Variants in YTHDC2 observed in about 807,000 individuals in gnomAD.
YTHDC2 encodes YTH N6-methyladenosine RNA binding protein C2.
A neutral mutation model predicts 174.9 loss-of-function variants in YTHDC2; 45 were observed. The observed-to-expected ratio is 0.26, with a 90% CI of 0.20 to 0.33. The LOEUF (loss-of-function observed/expected upper bound fraction) is 0.33, where lower values mean the gene tolerates loss of function less well. Among genes scored for constraint, YTHDC2 ranks in the 10% least tolerant of loss-of-function variants. YTHDC2 has a pLI of 1.00. For synonymous variants in YTHDC2, 657 were observed against 574.5 expected, an observed-to-expected ratio of 1.14 and a Z score of -2.05; for missense variants, 1,650 against 1,723.7, an observed-to-expected ratio of 0.96 and a Z score of 0.76.
intron 23 of YTHDC2, among the ~76,000 whole-genome samples, chr5:113,579,362 T>C (rs1031726260): frequency 2.6e-5 from 4 of 152,156 alleles, no homozygotes; most frequent in Admixed American, 6.6e-5. Context: ...TTTTTTATTT[T>C]GTTGCATTGT....
intron 26 of YTHDC2, among the ~76,000 whole-genome samples, chr5:113,590,632 A>C (rs1778956784): frequency 6.6e-6 from 1 of 151,778 alleles, no homozygotes; most frequent in Non-Finnish European, 1.5e-5. Context: ...CGGTCTCTGA[A>C]CTCCAGTGTC....
intron 10 of YTHDC2, among the ~76,000 whole-genome samples, chr5:113,544,560 AACTTTTT>A (rs1775720516): frequency 6.6e-6 from 1 of 152,168 alleles, no homozygotes; most frequent in Non-Finnish European, 1.5e-5. Context: ...TTTAGTAGTT[AACTTTTT>A]AGTATGTTGA....
chr5:113,591,308 T>G (rs544819924), intron 27 of YTHDC2, 64 bp downstream of exon 27: 1 of 1,537,428 alleles, frequency 6.5e-7, no homozygotes, highest in South Asian at 1.2e-5. Flanking sequence ...TAGAGATTTT[T>G]AGAAAAACAA....
chr5:113,543,432 A>C (rs1324458342), intron 10 of YTHDC2, among the ~76,000 whole-genome samples: 1 of 152,148 alleles, frequency 6.6e-6, no homozygotes, highest in East Asian at 1.9e-4. Context: ...TAAATCCTGA[A>C]TATGACCACT....
Position 113,539,035 on chromosome 5 carries a change from A to G in YTHDC2, c.1103-39A>G, listed in dbSNP as rs775186593. 6 of 1,021,130 alleles carry G rather than the reference A, an allele frequency of 5.9e-6. No homozygotes were observed. In the East Asian group the frequency reaches 1.8e-4, roughly 31 times the overall value. The allele number at this position is 1,021,130 out of a possible 1,614,324, so 63.3% of individuals were successfully genotyped here. On this transcript the variant is annotated intron_variant, in intron 7 of 29. Coordinates refer to ENST00000161863, the MANE Select transcript of YTHDC2 (RefSeq NM_022828.5). ...CATGTTTTTATGTGAATTTTCTCCA[A>G]GATGCAAGTTGAGTATTTAATTTTT...
chr5:113,567,007 C>T, intron 21 of YTHDC2, 85 bp from the exon 22 acceptor site: 2 of 1,391,268 alleles, frequency 1.4e-6, no homozygotes, highest in Non-Finnish European at 1.9e-6. Flanking sequence ...ACAAAATTTA[C>T]ATGAGTTGTA....
intron 4 of YTHDC2, among the ~76,000 whole-genome samples, chr5:113,529,397 G>A (rs1774499497): frequency 6.6e-6 from 1 of 152,112 alleles, no homozygotes. Context: ...AAATTTCCTA[G>A]AAGTGGAAAT....
At chr5:113,520,178 G>T (rs1440529945) in intron 2 of YTHDC2, among the ~76,000 whole-genome samples, 5 of 152,120 alleles carry the variant, frequency 3.3e-5, no homozygotes, top group Non-Finnish European at 5.9e-5. Flanking sequence ...GTGTTAGTTT[G>T]CTGAGGATGA....
rs781332704 is a variant in YTHDC2, at chr5:113,584,441, A to C, written c.3787A>C (p.Ser1263Arg). Residue 1263 changes from serine (S) to arginine (R), a missense_variant, in exon 26 of 30, where the codon AGT becomes CGT. Ser to Arg is a moderately radical substitution (Grantham distance 110). Transcript: ENST00000161863. ...LKSTDSSSYP[S>R]PCASPSPPSS... is the part of the protein sequence containing the mutation. Reference sequence around the variant, plus strand: ...ATCTACAGACAGCAGTAGTTACCCAAGTCCTTGTGCTAGTCCTTCTCCTCC... The same window carrying C: ...ATCTACAGACAGCAGTAGTTACCCACGTCCTTGTGCTAGTCCTTCTCCTCC... 1.2e-6 allele frequency: 2 copies of C among 1,613,612 alleles called. No homozygotes were observed. The highest frequency in any genetic ancestry group is 1.7e-6 in the Non-Finnish European group (2 of 1,179,734).
chr5:113,515,040 G>T (rs1306855504), intron 1 of YTHDC2, among the ~76,000 whole-genome samples: 1 of 151,958 alleles, frequency 6.6e-6, no homozygotes, highest in Non-Finnish European at 1.5e-5. Context: ...ATACATAGCT[G>T]TCTTTTTATT....
At chr5:113,585,896 T>G (rs1380424115) in intron 26 of YTHDC2, among the ~76,000 whole-genome samples, 1 of 151,992 alleles carries the variant, frequency 6.6e-6, no homozygotes, top group Non-Finnish European at 1.5e-5. Flanking sequence ...CATCAGTTGA[T>G]GGACATTTGG....
At chr5:113,547,609 A>G (rs924004684) in intron 10 of YTHDC2, among the ~76,000 whole-genome samples, 3 of 130,150 alleles carry the variant, frequency 2.3e-5, no homozygotes, top group African/African-American at 7.5e-5. Flanking sequence ...CATATGGGAT[A>G]TACTTTTTAT....
chr5:113,535,046 A>G (rs778356021), intron 6 of YTHDC2, among the ~76,000 whole-genome samples: 8 of 152,254 alleles, frequency 5.3e-5, no homozygotes, highest in Non-Finnish European at 8.8e-5. Context: ...TATTAAAAGC[A>G]CATTAAATTG....
rs1000497933 is a variant in YTHDC2, at chr5:113,534,482, G to A, written c.945+75G>A. 215 of 1,346,384 alleles carry A rather than the reference G, an allele frequency of 1.6e-4. 1 individual carries two copies. The highest frequency in any genetic ancestry group is 3.6e-5 in the Admixed American group (2 of 55,590). The allele number at this position is 1,346,384 out of a possible 1,614,324, so 83.4% of individuals were successfully genotyped here. ...TAAATACATATGCCGTTTCAGGATA[G>A]TCTCAAAAAATTTAAATACATAATT... is the stretch of plus-strand genomic sequence containing the variant. On this transcript the variant is annotated intron_variant, in intron 6 of 29. Coordinates refer to ENST00000161863, the MANE Select transcript of YTHDC2 (RefSeq NM_022828.5).
chr5:113,570,989 T>A (rs115663954), intron 23 of YTHDC2, among the ~76,000 whole-genome samples: 5,214 of 152,250 alleles, frequency 0.034, 287 homozygotes, highest in African/African-American at 0.12. Flanking sequence ...CTGGCCTGAT[T>A]TCCTTGGCCT....
Position 113,548,615 on chromosome 5 carries a change from G to A in YTHDC2, c.1570G>A (p.Glu524Lys). ...AAGRGFASQVEQLISMGANVH... is the reference protein window; with the variant it reads ...AAGRGFASQVKQLISMGANVH... ...AGGACGTGGCTTTGCAAGTCAAGTAGAACAGTTAATCAGTATGGGAGCCAA... is the reference window on the plus strand; with the variant it reads ...AGGACGTGGCTTTGCAAGTCAAGTAAAACAGTTAATCAGTATGGGAGCCAA... The change falls in exon 11 of 30, where the codon GAA becomes AAA. Residue 524 changes from glutamate to lysine, a missense_variant. This residue lies in a region of YTHDC2 where 411 missense variants were observed against 380.6 expected (regional missense o/e 1.08). Transcript: ENST00000161863. 6.2e-7 allele frequency: 1 copy of A among 1,613,520 alleles called. No homozygotes were observed. Among genetic ancestry groups the A allele is most frequent in the Non-Finnish European group, 8.5e-7 (1 of 1,179,714 alleles).
intron 8 of YTHDC2, 55 bp from the exon 9 acceptor site, chr5:113,540,913 C>T (rs937995371): frequency 6.5e-7 from 1 of 1,528,966 alleles, no homozygotes; most frequent in Non-Finnish European, 8.9e-7. Flanking sequence ...CAAAGGAATA[C>T]ATTTCAAAAA....
At chr5:113,530,469 C>T (rs914066099) in intron 4 of YTHDC2, among the ~76,000 whole-genome samples, 1 of 152,042 alleles carries the variant, frequency 6.6e-6, no homozygotes, top group Non-Finnish European at 1.5e-5. Flanking sequence ...AGTATACATT[C>T]ACAACTAAAC....
At chr5:113,540,173 C>G (rs1303125872) in intron 8 of YTHDC2, among the ~76,000 whole-genome samples, 1 of 152,206 alleles carries the variant, frequency 6.6e-6, no homozygotes, top group Non-Finnish European at 1.5e-5. Flanking sequence ...GCATGAGCCA[C>G]CATGTCCAGC....
Sources: gnomAD v4.1 joint callset for allele counts (sites outside exome capture counted in the v4.1 genomes callset) on GRCh38, gnomAD v4.1.1 for gene constraint, gnomAD v4.1.1 regional missense constraint, MANE v1.5 for transcripts, NCBI Gene and HGNC (gene_info 2026-07-23, HGNC 2026-07-21) for gene names.